PCDH15: variants seen among roughly 807,000 people sequenced by gnomAD.
The protein encoded by PCDH15 is protocadherin related 15, also known as protocadherin-15.
In PCDH15, 129 loss-of-function variants were observed where a neutral mutation model predicts 178.5. The observed-to-expected ratio is 0.72, with a 90% CI of 0.63 to 0.84. The LOEUF (loss-of-function observed/expected upper bound fraction) is 0.84, where lower values mean the gene tolerates loss of function less well. Ranked by LOEUF, PCDH15 falls within the 40% of genes least tolerant of loss-of-function variation. PCDH15 has a pLI of 0.00. For missense variants in PCDH15, 2,230 were observed against 2,099.9 expected, an observed-to-expected ratio of 1.06 and a Z score of -1.21; for synonymous variants, 800 against 732.0, an observed-to-expected ratio of 1.09 and a Z score of -1.50.
intron 2 of PCDH15, among the ~76,000 whole-genome samples, chr10:54,995,289 T>G (rs1186143945): frequency 2.0e-5 from 3 of 149,824 alleles, no homozygotes; most frequent in Non-Finnish European, 2.9e-5. Context: ...GGCAGGAGAA[T>G]GGCGTGAACC....
chr10:54,408,773 A>G (rs1953044745), intron 3 of PCDH15, among the ~76,000 whole-genome samples: 2 of 152,298 alleles, frequency 1.3e-5, no homozygotes, highest in East Asian at 3.9e-4. Context: ...GACAGGTGTT[A>G]CACTTTTTGC....
intron 18 of PCDH15, among the ~76,000 whole-genome samples, chr10:54,055,796 G>C (rs536823653): frequency 6.6e-6 from 1 of 152,052 alleles, no homozygotes; most frequent in Admixed American, 6.5e-5. Flanking sequence ...TAAGTACAAA[G>C]AAGTTTTTCT....
At chr10:54,577,445 C>T (rs1474365316) in intron 2 of PCDH15, among the ~76,000 whole-genome samples, 1 of 151,568 alleles carries the variant, frequency 6.6e-6, no homozygotes, top group East Asian at 1.9e-4. Context: ...ACTATGCTTT[C>T]AAGAATAATG....
chr10:55,126,041 T>C (rs1207016927), intron 2 of PCDH15, among the ~76,000 whole-genome samples: 1 of 152,062 alleles, frequency 6.6e-6, no homozygotes, highest in Non-Finnish European at 1.5e-5. Flanking sequence ...AAGGGGATAC[T>C]CACAGGTCCC....
At chr10:54,722,554 A>G (rs1337396734) in intron 1 of PCDH15, among the ~76,000 whole-genome samples, 2 of 149,638 alleles carry the variant, frequency 1.3e-5, no homozygotes, top group Non-Finnish European at 3.0e-5. Flanking sequence ...CAGGCAAAAT[A>G]AAGAAAAGGC....
chr10:54,073,817 C>A (rs761366361), intron 17 of PCDH15, among the ~76,000 whole-genome samples: 11 of 152,292 alleles, frequency 7.2e-5, no homozygotes, highest in Middle Eastern at 3.4e-3. Flanking sequence ...AATTACTGAT[C>A]ACTGTTCGCA....
At chr10:54,477,240 T>A (rs985418780) in intron 3 of PCDH15, among the ~76,000 whole-genome samples, 2 of 152,172 alleles carry the variant, frequency 1.3e-5, no homozygotes, top group Non-Finnish European at 2.9e-5. Flanking sequence ...TTCTGCTCCA[T>A]TTTTCTGAAA....
chr10:54,588,011 T>C (rs965432252), intron 2 of PCDH15, among the ~76,000 whole-genome samples: 4 of 152,144 alleles, frequency 2.6e-5, no homozygotes, highest in African/African-American at 9.7e-5. Context: ...TGAAAAGAAA[T>C]TAAAGGTTAT....
rs143565657 is a variant in PCDH15 at position 54,237,999 on chromosome 10, A to G, written c.877-1068T>C. Among the ~76,000 whole-genome samples, 1,275 of 152,270 alleles carry G rather than the reference A, an allele frequency of 8.4e-3. 11 individuals are homozygous for G. The highest frequency in any genetic ancestry group is 0.027 in the African/African-American group (1,109 of 41,566). On this transcript the variant is annotated intron_variant, in intron 8 of 37. Coordinates refer to ENST00000644397, the MANE Select transcript of PCDH15 (RefSeq NM_001384140.1). ...GTTTTTGAAATGATGCCTTTAGAACACAGTTTGGGAAACACTACTCTAAGT... is the reference window on the plus strand; with the variant it reads ...GTTTTTGAAATGATGCCTTTAGAACGCAGTTTGGGAAACACTACTCTAAGT...
At chr10:55,406,194 C>A (rs76593739) in intron 2 of PCDH15, among the ~76,000 whole-genome samples, 9 of 151,886 alleles carry the variant, frequency 5.9e-5, no homozygotes, top group African/African-American at 1.7e-4. Context: ...AAAAAGCATA[C>A]GATCCTGTAT....
intron 2 of PCDH15, among the ~76,000 whole-genome samples, chr10:55,571,240 A>G (rs1285497647): frequency 6.6e-6 from 1 of 151,956 alleles, no homozygotes; most frequent in Non-Finnish European, 1.5e-5. Flanking sequence ...TTTCACCATG[A>G]TTGGAAGTTT....
chr10:55,001,300 A>T (rs1164789646), intron 2 of PCDH15, among the ~76,000 whole-genome samples: 1 of 152,146 alleles, frequency 6.6e-6, no homozygotes, highest in African/African-American at 2.4e-5. Flanking sequence ...CGGATGCGGG[A>T]CAAGAACCTG....
intron 3 of PCDH15, among the ~76,000 whole-genome samples, chr10:54,389,680 T>G (rs1441361253): frequency 1.3e-5 from 2 of 151,868 alleles, no homozygotes; most frequent in African/African-American, 4.8e-5. Context: ...GGCTCACGCC[T>G]GTAATCCCAG....
chr10:54,084,905 G>A (rs1251759902), intron 16 of PCDH15, among the ~76,000 whole-genome samples: 1 of 152,126 alleles, frequency 6.6e-6, no homozygotes, highest in Non-Finnish European at 1.5e-5. Context: ...GCTTTACAAT[G>A]ATATTTAAAG....
At chr10:55,247,103 T>C (rs994682899) in intron 1 of PCDH15, among the ~76,000 whole-genome samples, 1 of 152,212 alleles carries the variant, frequency 6.6e-6, no homozygotes, top group African/African-American at 2.4e-5. Flanking sequence ...ACTATTTTTA[T>C]CTTCTGTGTT....
intron 2 of PCDH15, among the ~76,000 whole-genome samples, chr10:54,533,296 A>C (rs1304281032): frequency 6.6e-6 from 1 of 152,194 alleles, no homozygotes; most frequent in Non-Finnish European, 1.5e-5. Flanking sequence ...CTGAAGACTT[A>C]CTGTAATGAG....
chr10:54,535,083 T>C (rs2084330556), intron 2 of PCDH15, among the ~76,000 whole-genome samples: 1 of 152,196 alleles, frequency 6.6e-6, no homozygotes, highest in Non-Finnish European at 1.5e-5. Flanking sequence ...CTTGTGTTAC[T>C]CTCTTGGCAT....
intron 2 of PCDH15, among the ~76,000 whole-genome samples, chr10:54,922,884 C>T (rs1564632682): frequency 6.6e-6 from 1 of 152,130 alleles, no homozygotes; most frequent in Non-Finnish European, 1.5e-5. Context: ...GTTTTTAGGA[C>T]AGTGGGACAC....
chr10:55,594,206 AAT>A (rs1842898683), intron 2 of PCDH15, among the ~76,000 whole-genome samples: 1 of 151,850 alleles, frequency 6.6e-6, no homozygotes, highest in African/African-American at 2.4e-5. Context: ...TTTTACAAGA[AAT>A]GTGTGTGTGT....
Sources: allele counts gnomAD v4.1 joint callset (sites outside exome capture counted in the v4.1 genomes callset), GRCh38; gene constraint gnomAD v4.1.1; transcripts MANE v1.5; gene names NCBI Gene and HGNC (gene_info 2026-07-23, HGNC 2026-07-21).